DIP2B: variants seen among roughly 807,000 people sequenced by gnomAD.
DIP2B encodes the protein disco-interacting protein 2 homolog B.
DIP2B carries 76 observed loss-of-function variants against 198.0 expected under a neutral mutation model. That is an observed-to-expected ratio of 0.38 (90% CI 0.32 to 0.46). DIP2B has a LOEUF of 0.46. DIP2B is among the 20% of genes least tolerant of loss of function. DIP2B has a pLI of 0.99. For missense variants in DIP2B, 1,559 were observed against 1,978.4 expected (o/e 0.79, Z 4.02); for synonymous variants, 701 against 739.1 (o/e 0.95, Z 0.84).
chr12:50,702,332 C>T (rs1217379565), intron 19 of DIP2B, among the ~76,000 whole-genome samples: 2 of 149,300 alleles, frequency 1.3e-5, no homozygotes, highest in African/African-American at 5.0e-5. Flanking sequence ...GGCGACAGAG[C>T]GAGACTCTGT....
Position 50,737,080 on chromosome 12 carries a change from A to G in DIP2B, c.4146A>G (p.Lys1382=). 6.2e-7 allele frequency: 1 copy of G among 1,614,100 alleles called. No homozygotes were observed. The change falls in exon 35 of 38, where the codon AAA becomes AAG. Residue 1382 remains lysine, a synonymous_variant. Coordinates refer to ENST00000301180, the MANE Select transcript of DIP2B (RefSeq NM_173602.3). ...TGGTTATTGTTAATCCTGAGACCAA[A>G]GGGCCGGTTGGAGACTCTCACCTTG... The part of the protein sequence containing the change: ...VKVVIVNPET[K]GPVGDSHLGE...
At chr12:50,718,551 C>T (rs1294241837) in intron 23 of DIP2B, among the ~76,000 whole-genome samples, 158 bp from the exon 24 acceptor site, 1 of 152,194 alleles carries the variant, frequency 6.6e-6, no homozygotes. Flanking sequence ...AATGCAGGCT[C>T]TTTGCCCTAT....
At chr12:50,540,751 G>GTGTTAGCCAGGA (rs1958317368) in intron 1 of DIP2B, among the ~76,000 whole-genome samples, 2 of 149,698 alleles carry the variant, frequency 1.3e-5, no homozygotes, top group Admixed American at 1.3e-4. Context: ...GGGTTTCACC[G>GTGTTAGCCAGGA]TGGTCTCGAT....
intron 9 of DIP2B, 35 bp downstream of exon 9, chr12:50,680,798 GTTTA>G (rs1407553584): frequency 6.4e-7 from 1 of 1,568,344 alleles, no homozygotes; most frequent in Non-Finnish European, 8.7e-7. Context: ...GGGAGGTGGT[GTTTA>G]TTGTTTTCTA....
rs574643471 is a variant in DIP2B, at chr12:50,551,113, A to G, written c.100+45873A>G. 2.6e-5 allele frequency among the ~76,000 whole-genome samples: 4 copies of G among 151,402 alleles called. No individual in the cohort carries two copies. The South Asian group carries it at 8.3e-4, about 32-fold the overall frequency. On this transcript the variant is annotated intron_variant, in intron 1 of 37. Transcript: ENST00000301180. ...CTTTAAGAAAAAAAAGAAAGAAAGA[A>G]CATGAAGTATTTTAAAGACCAGATT...
intron 1 of DIP2B, among the ~76,000 whole-genome samples, chr12:50,532,980 A>G (rs1259156313): frequency 6.6e-6 from 1 of 152,220 alleles, no homozygotes; most frequent in Admixed American, 6.6e-5. Flanking sequence ...TTCATTTGAC[A>G]GGAAACTGCT....
chr12:50,632,898 T>C (rs1437723934), intron 2 of DIP2B, among the ~76,000 whole-genome samples: 1 of 152,074 alleles, frequency 6.6e-6, no homozygotes, highest in Non-Finnish European at 1.5e-5. Flanking sequence ...GGGATTATTG[T>C]GTGCACATGC....
At chr12:50,649,980 G>A (rs1470749658) in intron 3 of DIP2B, among the ~76,000 whole-genome samples, 2 of 152,126 alleles carry the variant, frequency 1.3e-5, no homozygotes, top group South Asian at 2.1e-4. Flanking sequence ...AAGCCGAGGC[G>A]GGTGGATCAC....
At chr12:50,595,722 G>A (rs1022698811) in intron 1 of DIP2B, among the ~76,000 whole-genome samples, 1 of 152,150 alleles carries the variant, frequency 6.6e-6, no homozygotes, top group Admixed American at 6.5e-5. Flanking sequence ...ACAGTTGAAC[G>A]TATTCAGCAA....
chr12:50,655,907 G>C (rs1387618536), intron 3 of DIP2B, among the ~76,000 whole-genome samples: 1 of 152,174 alleles, frequency 6.6e-6, no homozygotes, highest in Non-Finnish European at 1.5e-5. Flanking sequence ...CCTGGGATGT[G>C]GAGGTTGCAG....
At chr12:50,615,939 C>G (rs1937693569) in intron 1 of DIP2B, among the ~76,000 whole-genome samples, 1 of 152,216 alleles carries the variant, frequency 6.6e-6, no homozygotes, top group South Asian at 2.1e-4. Context: ...ATTTGTAGAG[C>G]AAACTTCTTC....
chr12:50,547,563 T>G (rs1476105342), intron 1 of DIP2B, among the ~76,000 whole-genome samples: 2 of 152,196 alleles, frequency 1.3e-5, no homozygotes, highest in Non-Finnish European at 2.9e-5. Context: ...ATTCTTCCGT[T>G]AAAAAAGTGA....
At chr12:50,718,172 A>C (rs1212060188) in intron 23 of DIP2B, among the ~76,000 whole-genome samples, 2 of 152,220 alleles carry the variant, frequency 1.3e-5, no homozygotes, top group African/African-American at 4.8e-5. Context: ...TGCTGGGATT[A>C]CAGGCGTGAG....
At chr12:50,630,280 A>C (rs1243426186) in intron 2 of DIP2B, among the ~76,000 whole-genome samples, 1 of 152,040 alleles carries the variant, frequency 6.6e-6, no homozygotes. Context: ...TGTTTTGTTT[A>C]GTTTTCAAAG....
intron 1 of DIP2B, among the ~76,000 whole-genome samples, chr12:50,617,041 G>A (rs925682680): frequency 6.6e-6 from 1 of 151,982 alleles, no homozygotes; most frequent in Non-Finnish European, 1.5e-5. Flanking sequence ...CACCTTCCTG[G>A]TCTAAAATTT....
intron 1 of DIP2B, among the ~76,000 whole-genome samples, chr12:50,512,577 G>A (rs893409915): frequency 2.0e-5 from 3 of 152,354 alleles, no homozygotes; most frequent in East Asian, 1.9e-4. Context: ...ATAAGGTAGT[G>A]TTGTATAATC....
At chr12:50,673,533 T>C (rs572235463) in intron 5 of DIP2B, among the ~76,000 whole-genome samples, 1 of 152,330 alleles carries the variant, frequency 6.6e-6, no homozygotes, top group African/African-American at 2.4e-5. Flanking sequence ...ACGCCTGTAA[T>C]CCCAGCACTT....
rs1413996462 is a variant in DIP2B at position 50,739,095 on chromosome 12, G to C, written c.4177-314G>C. On this transcript the variant is annotated intron_variant, in intron 35 of 37. Transcript: ENST00000301180. ...AGGGTAGCCTTGTGGGTGAGAGCAC[G>C]GCCTCCGGAGCCACACGGGCATGGG... is the stretch of plus-strand genomic sequence containing the variant. Among the ~76,000 whole-genome samples, 20 of 152,172 alleles carry C rather than the reference G, an allele frequency of 1.3e-4. 1 individual carries two copies. The highest frequency in any genetic ancestry group is 1.3e-3 in the Admixed American group (20 of 15,280).
At chr12:50,696,246 C>T (rs1398887871) in intron 16 of DIP2B, among the ~76,000 whole-genome samples, 1 of 152,158 alleles carries the variant, frequency 6.6e-6, no homozygotes, top group Non-Finnish European at 1.5e-5. Context: ...TGCCTGTCTC[C>T]CTAGATTTGC....
Sources: allele counts gnomAD v4.1 joint callset (sites outside exome capture counted in the v4.1 genomes callset), GRCh38; gene constraint gnomAD v4.1.1; transcripts MANE v1.5; gene names NCBI Gene and HGNC (gene_info 2026-07-23, HGNC 2026-07-21).